PLEKHA5: variants seen among roughly 807,000 people sequenced by gnomAD.
The protein encoded by PLEKHA5 is pleckstrin homology domain-containing family A member 5.
Under a neutral mutation model 181.9 loss-of-function variants are expected in PLEKHA5, and 55 were observed. That is an observed-to-expected ratio of 0.30 (90% CI 0.24 to 0.38). The LOEUF (loss-of-function observed/expected upper bound fraction) is 0.38. PLEKHA5 is among the 10% of genes least tolerant of loss of function. PLEKHA5 has a pLI of 1.00. For missense variants in PLEKHA5, 1,432 were observed against 1,549.5 expected, an observed-to-expected ratio of 0.92 and a Z score of 1.27; for synonymous variants, 535 against 529.4, an observed-to-expected ratio of 1.01 and a Z score of -0.15.
chr12:19,295,721 A>G (rs964855519), intron 15 of PLEKHA5, among the ~76,000 whole-genome samples: 1 of 152,180 alleles, frequency 6.6e-6, no homozygotes, highest in Admixed American at 6.5e-5. Context: ...TAGCCAAACC[A>G]TTTGATGATA....
intron 15 of PLEKHA5, chr12:19,306,498 T>C (rs1211642395): frequency 7.1e-6 from 5 of 709,194 alleles, no homozygotes; most frequent in Non-Finnish European, 1.3e-5. Context: ...CTCCTTGCTG[T>C]GTGTTTGATG....
rs767527087 is a variant in PLEKHA5, at chr12:19,130,161, C to A, written c.169+31C>A. On this transcript the variant is annotated intron_variant, in intron 2 of 31. Coordinates refer to ENST00000429027, the MANE Select transcript of PLEKHA5 (RefSeq NM_001256470.2). The surrounding 1 kb of genome is among the most constrained non-coding windows in gnomAD (Gnocchi z 4.5). ...GCCGGGCCCAAACGGAGTTGGGCTCCGCCTGGAGGAGGCGGCAGAGCCCGG... is the reference window on the plus strand; with the variant it reads ...GCCGGGCCCAAACGGAGTTGGGCTCAGCCTGGAGGAGGCGGCAGAGCCCGG... The A allele has an allele frequency of 2.8e-6, 4 of 1,441,774 alleles. No homozygotes were observed. Among genetic ancestry groups the A allele is most frequent in the Non-Finnish European group, 3.7e-6 (4 of 1,068,252 alleles). 89.3% of individuals were successfully genotyped at this position (1,441,774 alleles called of 1,614,324 possible). A position where few individuals can be genotyped will look rare whatever the true frequency, so the allele number is the denominator to read the frequency against.
Position 19,375,532 on chromosome 12 carries a change from T to C in PLEKHA5, c.*13T>C, listed in dbSNP as rs2095696000. Reference sequence around the variant, plus strand: ...AATTTCCTCTCTCTTATTTTTCAGCTATACTGACTTCTGTTGAAACCATTC... The same window carrying C: ...AATTTCCTCTCTCTTATTTTTCAGCCATACTGACTTCTGTTGAAACCATTC... On this transcript the variant is annotated splice_region_variant and 3_prime_UTR_variant, in exon 32 of 32. Coordinates refer to ENST00000429027, the MANE Select transcript of PLEKHA5 (RefSeq NM_001256470.2). 1 of 152,626 alleles carries C rather than the reference T, an allele frequency of 6.6e-6. No individual in the cohort carries two copies. Among genetic ancestry groups the C allele is most frequent in the African/African-American group, 2.4e-5 (1 of 41,464 alleles). The allele number at this position is 152,626 out of a possible 1,614,324, so 9.5% of individuals were successfully genotyped here.
chr12:19,157,702 T>G (rs1270643507), intron 3 of PLEKHA5, among the ~76,000 whole-genome samples: 1 of 152,152 alleles, frequency 6.6e-6, no homozygotes, highest in Non-Finnish European at 1.5e-5. Flanking sequence ...GTGCAACCAT[T>G]TAATCTTGCA....
intron 25 of PLEKHA5, among the ~76,000 whole-genome samples, chr12:19,352,648 C>T (rs2094666415): frequency 6.8e-6 from 1 of 146,342 alleles, no homozygotes; most frequent in African/African-American, 2.5e-5. Context: ...CTCCTGGCCT[C>T]AAGTGATCCT....
At chr12:19,246,857 G>A (rs2063888696) in intron 3 of PLEKHA5, among the ~76,000 whole-genome samples, 1 of 151,946 alleles carries the variant, frequency 6.6e-6, no homozygotes. Context: ...TTCTTTCCTT[G>A]TATAATTTGA....
intron 3 of PLEKHA5, chr12:19,153,083 C>G (rs2040839673): frequency 6.6e-6 from 1 of 150,406 alleles, no homozygotes; most frequent in African/African-American, 2.4e-5. Flanking sequence ...ATATTGCTGG[C>G]TAGTATTGCC....
At chr12:19,370,495 G>GT (rs2095547546) in intron 31 of PLEKHA5, among the ~76,000 whole-genome samples, 1 of 151,986 alleles carries the variant, frequency 6.6e-6, no homozygotes, top group Non-Finnish European at 1.5e-5. Flanking sequence ...TACTCTAAAA[G>GT]TTTTTTAACT....
At chr12:19,273,097 C>G (rs970202678) in intron 10 of PLEKHA5, among the ~76,000 whole-genome samples, 1 of 151,944 alleles carries the variant, frequency 6.6e-6, no homozygotes, top group African/African-American at 2.4e-5. Flanking sequence ...TTCGTAGAGA[C>G]GGGGTCTCAC....
chr12:19,255,922 G>T (rs188153162), intron 5 of PLEKHA5, among the ~76,000 whole-genome samples: 9 of 150,070 alleles, frequency 6.0e-5, no homozygotes, highest in African/African-American at 1.9e-4. Context: ...ATGCAGATGG[G>T]CTTTCTAAAT....
chr12:19,268,217 T>A (rs2152692045), intron 8 of PLEKHA5, among the ~76,000 whole-genome samples: 1 of 152,334 alleles, frequency 6.6e-6, no homozygotes, highest in Non-Finnish European at 1.5e-5. Context: ...AAATTTAAAA[T>A]TATAACTTTA....
chr12:19,327,648 T>C (rs1363854277), intron 20 of PLEKHA5, among the ~76,000 whole-genome samples: 2 of 149,312 alleles, frequency 1.3e-5, no homozygotes, highest in East Asian at 1.9e-4. Flanking sequence ...TTTTTTCTTT[T>C]TTTTTTTTTT....
rs1485802822 is a variant in PLEKHA5 at position 19,130,391 on chromosome 12, C to T, written c.169+261C>T. ...GCCCTCTTCCTGCGCCTTCTCCCCC[C>T]ATCCCAGCCTAGACGACCCTCGCGA... On this transcript the variant is annotated intron_variant, in intron 2 of 31. Transcript: ENST00000429027. This position sits in a 1 kb window ranked among gnomAD's most constrained non-coding sequence, Gnocchi z 4.5. Among the ~76,000 whole-genome samples the T allele has an allele frequency of 6.6e-6, 1 of 151,998 alleles. No homozygotes were observed. Among genetic ancestry groups the T allele is most frequent in the Non-Finnish European group, 1.5e-5 (1 of 67,966 alleles).
chr12:19,342,494 T>C (rs1029121836), intron 21 of PLEKHA5, among the ~76,000 whole-genome samples: 1 of 151,982 alleles, frequency 6.6e-6, no homozygotes, highest in Non-Finnish European at 1.5e-5. Flanking sequence ...CCATCTCTAC[T>C]AAAAATACAA....
At chr12:19,318,383 T>C (rs902541425) in intron 16 of PLEKHA5, among the ~76,000 whole-genome samples, 1 of 152,184 alleles carries the variant, frequency 6.6e-6, no homozygotes, top group African/African-American at 2.4e-5. Flanking sequence ...CATTTTTCTC[T>C]ATTATGATAT....
rs2095702453 is a variant in PLEKHA5, at chr12:19,376,149, A to AC, written c.*630_*631insC. The AC allele has an allele frequency of 9.0e-6, 1 of 110,850 alleles. No individual in the cohort carries two copies. Among genetic ancestry groups the AC allele is most frequent in the Non-Finnish European group, 2.0e-5 (1 of 49,580 alleles). 6.9% of individuals were successfully genotyped at this position (110,850 alleles called of 1,614,324 possible). On this transcript the variant is annotated 3_prime_UTR_variant, in exon 32 of 32. Coordinates refer to ENST00000429027, the MANE Select transcript of PLEKHA5 (RefSeq NM_001256470.2). ...CAAATGTTACTGCTTATCTTTTCTTAAAAAAAAAAAAAACAAAGTGTAGGT... is the reference window on the plus strand; with the variant it reads ...CAAATGTTACTGCTTATCTTTTCTTACAAAAAAAAAAAAACAAAGTGTAGGT...
At chr12:19,311,513 C>T (rs912021228) in intron 15 of PLEKHA5, among the ~76,000 whole-genome samples, 4 of 151,554 alleles carry the variant, frequency 2.6e-5, no homozygotes, top group African/African-American at 9.7e-5. Flanking sequence ...GCTTTATCAA[C>T]CAAGTTTATA....
intron 22 of PLEKHA5, among the ~76,000 whole-genome samples, chr12:19,345,445 AAATTT>A (rs2094261541): frequency 6.6e-6 from 1 of 150,712 alleles, no homozygotes. Flanking sequence ...AAATAAAAAT[AAATTT>A]AAAAAAAAAT....
chr12:19,243,266 G>A (rs7297373), intron 3 of PLEKHA5: 14,228 of 152,450 alleles, frequency 0.093, 710 homozygotes, highest in South Asian at 0.14. Flanking sequence ...TTGAAAGGTT[G>A]GGATCTGAAA....
Sources: allele counts gnomAD v4.1 joint callset (sites outside exome capture counted in the v4.1 genomes callset), GRCh38; gene constraint gnomAD v4.1.1; non-coding constraint Gnocchi (gnomAD v3.1); transcripts MANE v1.5; gene names NCBI Gene and HGNC (gene_info 2026-07-23, HGNC 2026-07-21).